SYT10: variants seen among roughly 807,000 people sequenced by gnomAD.
SYT10 encodes synaptotagmin 10.
Under a neutral mutation model 51.1 loss-of-function variants are expected in SYT10, and 31 were observed. The ratio of observed to expected loss-of-function variants is 0.61; its 90% confidence interval spans 0.46 to 0.82. The LOEUF (loss-of-function observed/expected upper bound fraction) is 0.82. SYT10 is among the 40% of genes least tolerant of loss of function. SYT10 has a pLI of 0.00. For missense variants in SYT10, 603 were observed against 634.0 expected, an observed-to-expected ratio of 0.95 and a Z score of 0.53; for synonymous variants, 233 against 225.9, an observed-to-expected ratio of 1.03 and a Z score of -0.28.
chr12:33,385,004 A>T (rs1442420923), intron 4 of SYT10, among the ~76,000 whole-genome samples, 167 bp downstream of exon 4: 4 of 152,236 alleles, frequency 2.6e-5, no homozygotes, highest in African/African-American at 9.6e-5. Context: ...CATAATGATA[A>T]CATATATAAA....
Position 33,381,516 on chromosome 12 carries a change from T to C in SYT10, c.1370+833A>G, listed in dbSNP as rs11052665. 8.6e-3 allele frequency among the ~76,000 whole-genome samples: 1,309 copies of C among 152,212 alleles called. 18 individuals are homozygous for C. The highest frequency in any genetic ancestry group is 0.03 in the African/African-American group (1,232 of 41,542). On this transcript the variant is annotated intron_variant, in intron 5 of 6. Transcript: ENST00000228567. ...AAGGGCAAAATAATAAGAGGAAGTA[T>C]ATAGTAAGGCCCAAATAAGAGACAT...
chr12:33,419,467 T>G (rs1866482050), intron 2 of SYT10, among the ~76,000 whole-genome samples: 2 of 152,304 alleles, frequency 1.3e-5, no homozygotes, highest in South Asian at 4.1e-4. Flanking sequence ...TCTCAATTAT[T>G]TAAAGAGATA....
intron 1 of SYT10, among the ~76,000 whole-genome samples, chr12:33,437,701 C>T (rs1292318821): frequency 1.3e-5 from 2 of 152,118 alleles, no homozygotes; most frequent in African/African-American, 4.8e-5. Context: ...AGCCCCTTCT[C>T]TGAGTGTTAC....
chr12:33,437,888 T>G (rs1390971489), intron 1 of SYT10, among the ~76,000 whole-genome samples: 2 of 152,068 alleles, frequency 1.3e-5, no homozygotes, highest in East Asian at 3.9e-4. Context: ...CCTAGGAATT[T>G]AACACCTACT....
intron 1 of SYT10, among the ~76,000 whole-genome samples, chr12:33,433,168 G>C (rs981300395): frequency 6.6e-6 from 1 of 152,120 alleles, no homozygotes; most frequent in Non-Finnish European, 1.5e-5. Context: ...CACCAACAGA[G>C]GAAATTGGCA....
intron 3 of SYT10, among the ~76,000 whole-genome samples, chr12:33,403,143 A>AACTTTAGT (rs889460647): frequency 1.1e-4 from 16 of 152,222 alleles, no homozygotes; most frequent in African/African-American, 3.8e-4. Flanking sequence ...TTCAAATAAA[A>AACTTTAGT]ACTTTAGTTA....
intron 2 of SYT10, among the ~76,000 whole-genome samples, chr12:33,423,195 TA>T (rs1182609285): frequency 3.9e-5 from 6 of 152,062 alleles, no homozygotes; most frequent in Non-Finnish European, 8.8e-5. Flanking sequence ...CAGAGACAAG[TA>T]AAACTTGAAA....
chr12:33,374,911 A>G lies in SYT10; in HGVS notation c.*1919T>C, dbSNP rs1866050103. 1 of 151,998 alleles carries G rather than the reference A, an allele frequency of 6.6e-6. No homozygotes were observed. Among genetic ancestry groups the G allele is most frequent in the East Asian group, 1.9e-4 (1 of 5,192 alleles). The allele number at this position is 151,998 out of a possible 1,614,324, so 9.4% of individuals were successfully genotyped here. ...ACTTAGGAAACGTAATTGCTAATTT[A>G]CTTTAAGCTGCAGTTATATCTACTA... On this transcript the variant is annotated 3_prime_UTR_variant, in exon 7 of 7. Coordinates refer to ENST00000228567, the MANE Select transcript of SYT10 (RefSeq NM_198992.4).
intron 5 of SYT10, among the ~76,000 whole-genome samples, chr12:33,380,414 T>C (rs1866104155): frequency 6.6e-6 from 1 of 152,214 alleles, no homozygotes; most frequent in Non-Finnish European, 1.5e-5. Context: ...TGACTCTAAA[T>C]GATACCTCAG....
Position 33,377,808 on chromosome 12 carries a change from A to G in SYT10, c.1501-907T>C, listed in dbSNP as rs539386627. On this transcript the variant is annotated intron_variant, in intron 6 of 6. Transcript: ENST00000228567. ...AAGCCCGGCTAATTTTTGTATTTTTAGTAGAGACGGGGTTTCACCATGTTG... is the reference window on the plus strand; with the variant it reads ...AAGCCCGGCTAATTTTTGTATTTTTGGTAGAGACGGGGTTTCACCATGTTG... Among the ~76,000 whole-genome samples the G allele has an allele frequency of 3.4e-3, 516 of 151,628 alleles. 1 individual carries two copies. The highest frequency in any genetic ancestry group is 0.012 in the African/African-American group (489 of 41,398).
chr12:33,390,440 A>G (rs1402375552), intron 3 of SYT10, among the ~76,000 whole-genome samples: 1 of 152,180 alleles, frequency 6.6e-6, no homozygotes, highest in African/African-American at 2.4e-5. Context: ...CACGCAGGAT[A>G]TACAATATGA....
chr12:33,396,424 T>C (rs1160039243), intron 3 of SYT10, among the ~76,000 whole-genome samples: 3 of 152,146 alleles, frequency 2.0e-5, no homozygotes, highest in Non-Finnish European at 2.9e-5. Context: ...GTCACAAAGA[T>C]CACTACTGTT....
chr12:33,429,481 A>G (rs549419886), intron 1 of SYT10, among the ~76,000 whole-genome samples: 2 of 152,352 alleles, frequency 1.3e-5, no homozygotes, highest in South Asian at 4.1e-4. Flanking sequence ...TTGGAGACCA[A>G]TAAAGTGATA....
intron 4 of SYT10, 124 bp downstream of exon 4, chr12:33,385,046 CT>C (rs948053355): frequency 2.7e-4 from 318 of 1,158,986 alleles, no homozygotes; most frequent in African/African-American, 1.3e-3. Flanking sequence ...AATTTGTAAT[CT>C]TTTTTTTTCT....
At chr12:33,385,696 T>A (rs1216348302) in intron 3 of SYT10, among the ~76,000 whole-genome samples, 1 of 152,198 alleles carries the variant, frequency 6.6e-6, no homozygotes, top group East Asian at 1.9e-4. Context: ...GCAAGTCCTG[T>A]CTACACTATC....
chr12:33,394,497 A>T (rs1298751255), intron 3 of SYT10, among the ~76,000 whole-genome samples: 2 of 152,222 alleles, frequency 1.3e-5, no homozygotes, highest in Non-Finnish European at 2.9e-5. Flanking sequence ...AGTGGATAAC[A>T]AGAAGGTGTT....
intron 1 of SYT10, among the ~76,000 whole-genome samples, chr12:33,438,842 C>T (rs185631606): frequency 2.0e-4 from 31 of 152,370 alleles, no homozygotes; most frequent in Non-Finnish European, 2.9e-4. Context: ...CAGGTTGCAG[C>T]CGCGGGTTAC....
At chr12:33,415,422 C>A (rs1441563758) in intron 2 of SYT10, among the ~76,000 whole-genome samples, 1 of 152,110 alleles carries the variant, frequency 6.6e-6, no homozygotes, top group Non-Finnish European at 1.5e-5. Flanking sequence ...TCGTGGACCA[C>A]CTCCCTGGTC....
At chr12:33,438,648 C>G (rs1789441607) in intron 1 of SYT10, among the ~76,000 whole-genome samples, 1 of 152,196 alleles carries the variant, frequency 6.6e-6, no homozygotes, top group South Asian at 2.1e-4. Context: ...AGTTGGATGT[C>G]TGAGAGCGTG....
Sources: gnomAD v4.1 joint callset for allele counts (sites outside exome capture counted in the v4.1 genomes callset) on GRCh38, gnomAD v4.1.1 for gene constraint, MANE v1.5 for transcripts, NCBI Gene and HGNC (gene_info 2026-07-23, HGNC 2026-07-21) for gene names.